Variants in TJP2 observed in about 807,000 individuals in gnomAD.
TJP2 encodes the protein tight junction protein 2.
In TJP2, 91 loss-of-function variants were observed where a neutral mutation model predicts 133.1. The observed-to-expected ratio is 0.68, with a 90% CI of 0.58 to 0.81. TJP2 has a LOEUF of 0.81. TJP2 is among the 40% of genes least tolerant of loss of function. The probability of loss-of-function intolerance (pLI) is 0.00; values close to 1 mark genes in which losing one functional copy is unlikely to be tolerated. For missense variants in TJP2, 1,541 were observed against 1,565.6 expected, an observed-to-expected ratio of 0.98 and a Z score of 0.26; for synonymous variants, 592 against 583.4, an observed-to-expected ratio of 1.01 and a Z score of -0.21.
At chr9:69,181,532 G>A (rs1328469819) in intron 1 of TJP2, among the ~76,000 whole-genome samples, 1 of 152,174 alleles carries the variant, frequency 6.6e-6, no homozygotes, top group African/African-American at 2.4e-5. Flanking sequence ...ATAGGCATGA[G>A]CCACCTCGCC....
At chr9:69,231,265 T>A (rs1451531479) in intron 11 of TJP2, among the ~76,000 whole-genome samples, 1 of 152,006 alleles carries the variant, frequency 6.6e-6, no homozygotes, top group Non-Finnish European at 1.5e-5. Context: ...GAACTCTTAA[T>A]TTTTGTCTTT....
chr9:69,140,840 GT>G (rs1273746060), intron 1 of TJP2, among the ~76,000 whole-genome samples: 1 of 152,118 alleles, frequency 6.6e-6, no homozygotes, highest in Admixed American at 6.6e-5. Flanking sequence ...GGAGTTCAAA[GT>G]TTTTTATTTC....
At chr9:69,225,578 G>A (rs924109826) in intron 6 of TJP2, among the ~76,000 whole-genome samples, 171 bp downstream of exon 6, 1 of 152,110 alleles carries the variant, frequency 6.6e-6, no homozygotes, top group Non-Finnish European at 1.5e-5. Context: ...CAGACATTGA[G>A]GGTCGTAACA....
chr9:69,204,815 T>C (rs960273887), intron 1 of TJP2: 2 of 1,073,196 alleles, frequency 1.9e-6, no homozygotes, highest in African/African-American at 3.3e-5. Flanking sequence ...TGCTCTAAAG[T>C]GTCTCATTTA....
chr9:69,125,081 T>C (rs1822268836), intron 1 of TJP2, among the ~76,000 whole-genome samples: 2 of 73,760 alleles, frequency 2.7e-5, no homozygotes, highest in Admixed American at 2.0e-4. Flanking sequence ...GCCTCCCAAG[T>C]AGCTGGGTTT....
In TJP2 at chr9:69,246,771, T is replaced by A. The variant is rs1411197931; in HGVS notation, c.2648T>A (p.Val883Asp). The A allele has an allele frequency of 1.1e-5, 18 of 1,614,106 alleles. No individual in the cohort carries two copies. The highest frequency in any genetic ancestry group is 1.5e-5 in the Non-Finnish European group (18 of 1,179,998). The change falls in exon 18 of 23, where the codon GTT (valine) becomes GAT (aspartate). Residue 883 changes from valine (V) to aspartate (D), a missense_variant. Val to Asp is a radical substitution (Grantham distance 152, BLOSUM62 -3). Transcript: ENST00000377245. ...ATTCAGCATCAGCAAGGAGAAGCGG[T>A]TTGGGTCTCTGAAGGAAAGGTATGT... ...DTIQHQQGEA[V>D]WVSEGKMEGM... is the part of the protein sequence containing the mutation.
intron 1 of TJP2, 144 bp downstream of exon 1, chr9:69,174,576 C>A: frequency 9.6e-7 from 1 of 1,040,630 alleles, no homozygotes; most frequent in South Asian, 1.5e-5. Flanking sequence ...GGACGTGGGA[C>A]GCAGGGGAGG....
upstream of TJP2, chr9:69,121,383 C>T: frequency 2.1e-5 from 21 of 979,766 alleles, no homozygotes; most frequent in Non-Finnish European, 2.5e-5. Flanking sequence ...CCGCCGCCCA[C>T]CCCCTTCCCC....
chr9:69,156,692 C>T (rs1189486163), intron 2 of TJP2, among the ~76,000 whole-genome samples: 1 of 151,872 alleles, frequency 6.6e-6, no homozygotes, highest in African/African-American at 2.4e-5. Flanking sequence ...CCACTGCGCC[C>T]GGCTAATTTT....
rs1207986488 is a variant in TJP2 at position 69,221,308 on chromosome 9, G to A, written c.764G>A (p.Arg255Gln). 14 of 1,604,716 alleles carry A rather than the reference G, an allele frequency of 8.7e-6. No homozygotes were observed. In the Admixed American group the frequency reaches 1.2e-4, roughly 14 times the overall value. The change falls in exon 5 of 23, where the codon CGG becomes CAG. Residue 255 changes from arginine (R) to glutamine (Q), a missense_variant. Transcript: ENST00000377245. The stretch of plus-strand genomic sequence containing the variant: ...CAGGACTACGAGCGAGCCTATCACC[G>A]GGCCTACGACCCAGACTACGAGCGG... The part of the protein sequence containing the change: ...IDQDYERAYH[R>Q]AYDPDYERAY...
intron 19 of TJP2, chr9:69,248,470 G>C: frequency 1.5e-6 from 2 of 1,345,716 alleles, no homozygotes; most frequent in Non-Finnish European, 1.9e-6. Context: ...CCTCAGGTGC[G>C]ATGGATAAAC....
chr9:69,159,425 A>G (rs1823946793), intron 2 of TJP2, among the ~76,000 whole-genome samples: 1 of 152,094 alleles, frequency 6.6e-6, no homozygotes, highest in Admixed American at 6.6e-5. Flanking sequence ...TTGATATACA[A>G]GTAATCAAAC....
chr9:69,131,671 A>G (rs1287189787), intron 1 of TJP2, among the ~76,000 whole-genome samples: 1 of 152,148 alleles, frequency 6.6e-6, no homozygotes, highest in East Asian at 1.9e-4. Flanking sequence ...GACTTGCTGT[A>G]TGGTCAGGAA....
intron 1 of TJP2, among the ~76,000 whole-genome samples, chr9:69,197,887 A>G (rs1826701549): frequency 6.6e-6 from 1 of 152,130 alleles, no homozygotes; most frequent in Non-Finnish European, 1.5e-5. Context: ...TCCCACTGGA[A>G]GGTTTACCAG....
At position 69,127,501 on chromosome 9, in the gene TJP2, C is replaced by T. The variant is rs569124450; in HGVS notation, c.-131+5776C>T. Among the ~76,000 whole-genome samples the T allele has an allele frequency of 1.2e-3, 90 of 74,790 alleles. 32 individuals are homozygous for T. The highest frequency in any genetic ancestry group is 3.5e-3 in the African/African-American group (86 of 24,462). The allele number at this position is 74,790 out of a possible 152,430, so 49.1% of individuals were successfully genotyped here. A position where few individuals can be genotyped will look rare whatever the true frequency, so the allele number is the denominator to read the frequency against. On this transcript the variant is annotated intron_variant, in intron 1 of 5. Coordinates refer to the TJP2 transcript ENST00000423935. ...CCCAAGAGATCGGGGCTTCGCCAAGCTATGATCATGCCACTGGGCTCTAGC... is the reference window on the plus strand; with the variant it reads ...CCCAAGAGATCGGGGCTTCGCCAAGTTATGATCATGCCACTGGGCTCTAGC...
intron 2 of TJP2, among the ~76,000 whole-genome samples, chr9:69,158,221 G>A (rs1483571250): frequency 3.3e-5 from 5 of 151,432 alleles, no homozygotes; most frequent in Admixed American, 2.6e-4. Context: ...CCAGCTACTC[G>A]GGAGGTTGAG....
At chr9:69,176,142 C>T (rs1009437467) in intron 1 of TJP2, among the ~76,000 whole-genome samples, 1 of 152,146 alleles carries the variant, frequency 6.6e-6, no homozygotes, top group African/African-American at 2.4e-5. Context: ...TGGGATTGGT[C>T]CTATATGCAT....
chr9:69,154,977 G>C (rs1334173451), intron 2 of TJP2, among the ~76,000 whole-genome samples: 2 of 151,878 alleles, frequency 1.3e-5, no homozygotes, highest in African/African-American at 4.8e-5. Flanking sequence ...TAGCACTTTG[G>C]GAGGCCGATG....
intron 1 of TJP2, among the ~76,000 whole-genome samples, chr9:69,131,220 GT>G (rs1822481319): frequency 1.3e-5 from 2 of 152,216 alleles, no homozygotes. Context: ...TGGAGTTTGT[GT>G]CCTTGTGTGT....
Sources: allele counts gnomAD v4.1 joint callset (sites outside exome capture counted in the v4.1 genomes callset), GRCh38; gene constraint gnomAD v4.1.1; transcripts MANE v1.5; gene names NCBI Gene and HGNC (gene_info 2026-07-23, HGNC 2026-07-21).